Variants in EML4 observed in about 807,000 individuals in gnomAD.
The protein encoded by EML4 is EMAP like 4.
EML4 carries 72 observed loss-of-function variants against 129.0 expected under a neutral mutation model. The ratio of observed to expected loss-of-function variants is 0.56; its 90% CI spans 0.46 to 0.68. The LOEUF is 0.68. EML4 is among the 30% of genes least tolerant of loss of function. EML4 has a pLI of 0.00. For synonymous variants in EML4, 532 were observed against 405.0 expected (o/e 1.31, Z -3.77); for missense variants, 1,363 against 1,190.6 (o/e 1.14, Z -2.13).
At chr2:42,288,490 C>G (rs559323547) in intron 11 of EML4, 168 bp downstream of exon 11, 5 of 397,426 alleles carry the variant, frequency 1.3e-5, no homozygotes, top group Non-Finnish European at 2.3e-5. Flanking sequence ...GATATTAACA[C>G]TATAGTTATA....
In EML4 at chr2:42,315,997, T is replaced by G. The variant is rs1437581572; in HGVS notation, c.2003T>G (p.Val668Gly). ...FVLDAETRDL[V>G]SIHTDGNEQL... ...CTGGATGCAGAAACCAGAGATCTAG[T>G]TTCTATCCACACAGACGGGAATGAA... Residue 668 changes from valine (V) to glycine (G), a missense_variant, in exon 18 of 23, where the codon GTT (valine) becomes GGT (glycine). Coordinates refer to ENST00000318522, the MANE Select transcript of EML4 (RefSeq NM_019063.5). 6.2e-7 allele frequency: 1 copy of G among 1,613,824 alleles called. No homozygotes were observed. Among genetic ancestry groups the G allele is most frequent in the Non-Finnish European group, 8.5e-7 (1 of 1,179,792 alleles).
At chr2:42,248,302 T>C (rs558261214) in intron 2 of EML4, among the ~76,000 whole-genome samples, 4 of 152,230 alleles carry the variant, frequency 2.6e-5, no homozygotes, top group East Asian at 1.9e-4. Flanking sequence ...TTTAAAGATA[T>C]TTTCTCTCAT....
chr2:42,312,865 A>C (rs1483402079), intron 17 of EML4, among the ~76,000 whole-genome samples: 1 of 150,514 alleles, frequency 6.6e-6, no homozygotes, highest in Non-Finnish European at 1.5e-5. Flanking sequence ...CCTGTCAGAA[A>C]ACTTTTAAAT....
At chr2:42,267,954 T>C (rs539139215) in intron 6 of EML4, among the ~76,000 whole-genome samples, 166 of 152,356 alleles carry the variant, frequency 1.1e-3, no homozygotes, top group African/African-American at 3.9e-3. Flanking sequence ...ATATTCACTT[T>C]GGTGAGTTAC....
chr2:42,169,591 GC>G lies in EML4; in HGVS notation c.-18del. The G allele has an allele frequency of 6.3e-7, 1 of 1,599,658 alleles. No homozygotes were observed. ...AAGTGCCCGCCCCTCTAAGCCCGGA[GC>G]CCGGCGCTTTCCCCGCAAGATGGAC... On this transcript the variant is annotated 5_prime_UTR_variant, in exon 1 of 23. Coordinates refer to ENST00000318522, the MANE Select transcript of EML4 (RefSeq NM_019063.5).
chr2:42,244,700 A>C (rs951317060), intron 1 of EML4, among the ~76,000 whole-genome samples: 1 of 152,188 alleles, frequency 6.6e-6, no homozygotes, highest in Non-Finnish European at 1.5e-5. Flanking sequence ...AGTAAAAAGT[A>C]AAGTAGTAAA....
chr2:42,226,551 G>C (rs929640495), intron 1 of EML4, among the ~76,000 whole-genome samples: 2 of 150,934 alleles, frequency 1.3e-5, no homozygotes, highest in African/African-American at 2.4e-5. Flanking sequence ...CAGCCACTCG[G>C]GAGGCTGAGG....
chr2:42,213,831 T>C (rs1488723123), intron 1 of EML4, among the ~76,000 whole-genome samples: 1 of 152,236 alleles, frequency 6.6e-6, no homozygotes, highest in Non-Finnish European at 1.5e-5. Context: ...ACTTTTGTGT[T>C]TTCTTAAAAC....
At chr2:42,262,688 C>T (rs890730837) in intron 4 of EML4, among the ~76,000 whole-genome samples, 4 of 152,234 alleles carry the variant, frequency 2.6e-5, no homozygotes, top group African/African-American at 9.6e-5. Flanking sequence ...TTGTTTATTT[C>T]TGATCATTGG....
chr2:42,286,045 T>C (rs1265094381), intron 9 of EML4: 1 of 594,116 alleles, frequency 1.7e-6, no homozygotes, highest in African/African-American at 1.9e-5. Context: ...CTTAGAATAG[T>C]ATGTGTAACA....
chr2:42,277,638 G>A (rs1041519019), intron 6 of EML4, among the ~76,000 whole-genome samples: 1 of 148,320 alleles, frequency 6.7e-6, no homozygotes, highest in Non-Finnish European at 1.5e-5. Flanking sequence ...GCGTGATCTC[G>A]GCTCACTGCA....
Position 42,192,310 on chromosome 2 carries a change from C to G in EML4, c.25+22674C>G, listed in dbSNP as rs1671641747. Among the ~76,000 whole-genome samples the G allele has an allele frequency of 2.0e-5, 3 of 149,124 alleles. No individual in the cohort carries two copies. In the South Asian group the frequency reaches 6.3e-4, roughly 31 times the overall value. On this transcript the variant is annotated intron_variant, in intron 1 of 22. Coordinates refer to ENST00000318522, the MANE Select transcript of EML4 (RefSeq NM_019063.5). ...GGAGTACAGTGGCACAATCTTGGTG[C>G]TTAACTGCAACCTCTGCCTGCTGGC...
chr2:42,216,132 C>T (rs1673170037), intron 1 of EML4, among the ~76,000 whole-genome samples: 1 of 150,310 alleles, frequency 6.7e-6, no homozygotes, highest in Non-Finnish European at 1.5e-5. Context: ...GTTGGTCAGG[C>T]TGGTCTCAAA....
chr2:42,242,266 G>C (rs1346160881), intron 1 of EML4, among the ~76,000 whole-genome samples: 2 of 152,050 alleles, frequency 1.3e-5, no homozygotes, highest in Admixed American at 1.3e-4. Context: ...TAAAGATATA[G>C]CTCATCTTTC....
intron 1 of EML4, among the ~76,000 whole-genome samples, chr2:42,244,063 A>G (rs974893989): frequency 1.6e-5 from 2 of 126,558 alleles, no homozygotes; most frequent in African/African-American, 5.4e-5. Flanking sequence ...ATAGCAATTA[A>G]TGTTTTTTTT....
chr2:42,318,186 T>C (rs917983842), intron 19 of EML4, among the ~76,000 whole-genome samples: 4 of 152,200 alleles, frequency 2.6e-5, no homozygotes, highest in African/African-American at 9.6e-5. Context: ...AAGAGAAAGG[T>C]AGGCAGTGTA....
chr2:42,217,171 A>G (rs1161540604), intron 1 of EML4, among the ~76,000 whole-genome samples: 1 of 152,226 alleles, frequency 6.6e-6, no homozygotes, highest in Non-Finnish European at 1.5e-5. Context: ...GTCAAGCTCA[A>G]GAGCTATGAC....
intron 1 of EML4, among the ~76,000 whole-genome samples, chr2:42,238,485 G>A (rs941004309): frequency 1.3e-5 from 2 of 152,324 alleles, no homozygotes; most frequent in African/African-American, 4.8e-5. Context: ...GCTCATGCCT[G>A]TAATTCCAGC....
At chr2:42,288,088 C>G (rs997592650) in intron 10 of EML4, 139 bp from the exon 11 acceptor site, 1 of 424,712 alleles carries the variant, frequency 2.4e-6, no homozygotes, top group Non-Finnish European at 4.2e-6. Context: ...ATAGTGTATT[C>G]ATTATGTTTC....
Sources: allele counts gnomAD v4.1 joint callset (sites outside exome capture counted in the v4.1 genomes callset), GRCh38; gene constraint gnomAD v4.1.1; transcripts MANE v1.5; gene names NCBI Gene and HGNC (gene_info 2026-07-23, HGNC 2026-07-21).